The following DLG2 variants were observed in gnomAD, a reference collection of about 807,000 sequenced individuals.
DLG2 encodes disks large homolog 2.
A neutral mutation model predicts 132.5 loss-of-function variants in DLG2; 45 were observed. The ratio of observed to expected loss-of-function variants is 0.34; its 90% CI spans 0.27 to 0.44. The LOEUF (loss-of-function observed/expected upper bound fraction) is 0.44. Ranked by LOEUF, DLG2 falls within the 20% of genes least tolerant of loss-of-function variation. DLG2 has a pLI of 1.00. For missense variants in DLG2, 1,045 were observed against 1,196.9 expected, an observed-to-expected ratio of 0.87 and a Z score of 1.87; for synonymous variants, 424 against 419.6, an observed-to-expected ratio of 1.01 and a Z score of -0.13.
At chr11:84,782,438 CCACACA>C (rs10599798) in intron 6 of DLG2, among the ~76,000 whole-genome samples, 9 of 148,040 alleles carry the variant, frequency 6.1e-5, no homozygotes, top group Admixed American at 6.8e-5. Context: ...ACTACCCCTA[CCACACA>C]CACACACACA....
At chr11:85,011,223 T>C (rs537042178) in intron 6 of DLG2, among the ~76,000 whole-genome samples, 7 of 152,284 alleles carry the variant, frequency 4.6e-5, no homozygotes, top group South Asian at 4.1e-4. Flanking sequence ...TGCTAGAGGA[T>C]AGAAAGACAG....
chr11:84,309,846 T>C (rs558023409), intron 7 of DLG2, among the ~76,000 whole-genome samples: 2 of 152,378 alleles, frequency 1.3e-5, no homozygotes, highest in East Asian at 1.9e-4. Context: ...TCTGCACTTT[T>C]ATTTTGTATT....
chr11:83,461,533 C>G (rs1455914428), intron 27 of DLG2: 1 of 152,890 alleles, frequency 6.5e-6, no homozygotes, highest in Non-Finnish European at 1.5e-5. Context: ...AAGTTTTAAG[C>G]ATCTTGTTCA....
intron 4 of DLG2, among the ~76,000 whole-genome samples, chr11:85,207,030 A>T (rs879386861): frequency 3.3e-5 from 5 of 152,266 alleles, no homozygotes; most frequent in Admixed American, 3.3e-4. Flanking sequence ...ACATTTCATC[A>T]AACACATTTC....
intron 8 of DLG2, among the ~76,000 whole-genome samples, chr11:84,183,782 G>A (rs2096207294): frequency 6.6e-6 from 1 of 151,974 alleles, no homozygotes; most frequent in African/African-American, 2.4e-5. Context: ...GTGTCCATGT[G>A]TTCTCATTGT....
At chr11:83,923,768 C>T (rs12285920) in intron 15 of DLG2, among the ~76,000 whole-genome samples, 12,337 of 152,170 alleles carry the variant, frequency 0.081, 664 homozygotes, top group Middle Eastern at 0.2. Flanking sequence ...CAACCCTGCT[C>T]TATAATATAA....
chr11:83,935,767 A>G (rs897351674), intron 14 of DLG2, among the ~76,000 whole-genome samples: 2 of 152,220 alleles, frequency 1.3e-5, no homozygotes, highest in Admixed American at 6.5e-5. Context: ...GAAAAATTAT[A>G]AATTGCAAAA....
chr11:84,197,657 T>A (rs1314671951), intron 8 of DLG2, among the ~76,000 whole-genome samples: 2 of 152,180 alleles, frequency 1.3e-5, no homozygotes, highest in East Asian at 3.8e-4. Context: ...TAATAAAATG[T>A]TTCATATGAA....
chr11:83,576,441 C>A (rs1331088852), intron 19 of DLG2, among the ~76,000 whole-genome samples: 1 of 151,898 alleles, frequency 6.6e-6, no homozygotes, highest in Non-Finnish European at 1.5e-5. Flanking sequence ...CACAGAAGCA[C>A]AAGAAACATA....
chr11:84,862,827 G>T (rs534875365), intron 6 of DLG2, among the ~76,000 whole-genome samples: 7,066 of 128,492 alleles, frequency 0.055, 421 homozygotes, highest in East Asian at 0.26. Flanking sequence ...CGGGGGGGGG[G>T]GGTGGGGGAC....
chr11:83,912,946 G>A (rs1440054778), intron 15 of DLG2, among the ~76,000 whole-genome samples: 2 of 152,018 alleles, frequency 1.3e-5, no homozygotes, highest in Admixed American at 6.6e-5. Flanking sequence ...ATAGTGGGAA[G>A]AATAAGGCAG....
chr11:85,386,573 G>C (rs1038526233), intron 3 of DLG2, among the ~76,000 whole-genome samples: 2 of 151,852 alleles, frequency 1.3e-5, no homozygotes, highest in Non-Finnish European at 2.9e-5. Context: ...TTGCACATAG[G>C]TACATGACAA....
chr11:84,495,384 G>C (rs2099179176), intron 7 of DLG2, among the ~76,000 whole-genome samples: 1 of 152,112 alleles, frequency 6.6e-6, no homozygotes, highest in Admixed American at 6.6e-5. Context: ...ACTATTCAGA[G>C]CACAAGTATA....
At chr11:84,008,599 C>T (rs1245174215) in intron 11 of DLG2, among the ~76,000 whole-genome samples, 1 of 151,178 alleles carries the variant, frequency 6.6e-6, no homozygotes, top group African/African-American at 2.4e-5. Flanking sequence ...GACAGACATA[C>T]AAAAATATCC....
Position 84,731,390 on chromosome 11 carries a change from T to G in DLG2, c.358-196659A>C, listed in dbSNP as rs2063133713. On this transcript the variant is annotated intron_variant, in intron 6 of 27. Coordinates refer to ENST00000376104, the MANE Select transcript of DLG2 (RefSeq NM_001142699.3). Reference sequence around the variant, plus strand: ...AACCAATGGAGAAGGCAGATGGGGATAAGTGCTTCGAGGAGAGCTACATGG... The same window carrying G: ...AACCAATGGAGAAGGCAGATGGGGAGAAGTGCTTCGAGGAGAGCTACATGG... Among the ~76,000 whole-genome samples, 3 of 152,100 alleles carry G rather than the reference T, an allele frequency of 2.0e-5. No homozygotes were observed. The South Asian group carries it at 6.2e-4, about 32-fold the overall frequency.
At chr11:85,507,901 A>T (rs185711271) in intron 3 of DLG2, among the ~76,000 whole-genome samples, 2 of 151,934 alleles carry the variant, frequency 1.3e-5, no homozygotes, top group Non-Finnish European at 2.9e-5. Flanking sequence ...GGCTTTGTTC[A>T]TTTCTTTTCA....
chr11:84,314,120 C>A (rs1599708538), intron 7 of DLG2, among the ~76,000 whole-genome samples: 1 of 152,288 alleles, frequency 6.6e-6, no homozygotes, highest in Middle Eastern at 3.4e-3. Flanking sequence ...CTGGAAATCA[C>A]ACTGCTGAGT....
intron 6 of DLG2, among the ~76,000 whole-genome samples, chr11:84,818,804 T>C (rs2077349473): frequency 6.6e-6 from 1 of 151,942 alleles, no homozygotes; most frequent in Admixed American, 6.6e-5. Context: ...CAAATACTCA[T>C]CTTGAGTGGC....
chr11:83,564,998 C>G (rs564141608), intron 19 of DLG2, among the ~76,000 whole-genome samples: 1 of 152,290 alleles, frequency 6.6e-6, no homozygotes, highest in East Asian at 1.9e-4. Context: ...TCATGCAGTT[C>G]TTTATCTGTT....
Sources: gnomAD v4.1 joint callset for allele counts (sites outside exome capture counted in the v4.1 genomes callset) on GRCh38, gnomAD v4.1.1 for gene constraint, MANE v1.5 for transcripts, NCBI Gene and HGNC (gene_info 2026-07-23, HGNC 2026-07-21) for gene names.